Variants in ROS1 observed in about 807,000 individuals in gnomAD.
The protein encoded by ROS1 is ROS proto-oncogene 1, receptor tyrosine kinase.
ROS1 carries 263 observed loss-of-function variants against 273.5 expected under a neutral mutation model. The ratio of observed to expected loss-of-function variants is 0.96; its 90% CI spans 0.87 to 1.06. The LOEUF is 1.06. Among genes scored for constraint, ROS1 ranks in the 50% least tolerant of loss-of-function variants. The probability of loss-of-function intolerance (pLI) is 0.00; values close to 1 mark genes in which losing one functional copy is unlikely to be tolerated. For synonymous variants in ROS1, 1,008 were observed against 954.1 expected (o/e 1.06, Z -1.04); for missense variants, 2,833 against 2,751.1 (o/e 1.03, Z -0.67).
intron 6 of ROS1, 44 bp downstream of exon 6, chr6:117,404,234 AAT>A: frequency 1.3e-6 from 2 of 1,571,246 alleles, no homozygotes; most frequent in Non-Finnish European, 1.7e-6. Flanking sequence ...AAAAAAAAAA[AAT>A]TGGGAAGGGG....
At chr6:117,322,930 T>C (rs1480474841) in intron 35 of ROS1, among the ~76,000 whole-genome samples, 1 of 152,208 alleles carries the variant, frequency 6.6e-6, no homozygotes, top group Non-Finnish European at 1.5e-5. Flanking sequence ...TATCTCATGT[T>C]CATCCACTAG....
intron 4 of ROS1, among the ~76,000 whole-genome samples, chr6:117,410,406 A>G (rs1392506311): frequency 1.3e-5 from 2 of 152,200 alleles, no homozygotes; most frequent in African/African-American, 4.8e-5. Context: ...ATAAATTTGT[A>G]GAGTAGCTGA....
chr6:117,411,665 A>G (rs954197849), intron 4 of ROS1, among the ~76,000 whole-genome samples: 1 of 152,056 alleles, frequency 6.6e-6, no homozygotes, highest in Non-Finnish European at 1.5e-5. Flanking sequence ...CTTCTGTAAC[A>G]CTAGGAAGCC....
intron 18 of ROS1, among the ~76,000 whole-genome samples, chr6:117,366,671 G>C (rs990718319): frequency 4.6e-5 from 7 of 152,008 alleles, no homozygotes; most frequent in African/African-American, 1.7e-4. Flanking sequence ...ACACCACTAA[G>C]CCTGGCTAAT....
At chr6:117,393,461 A>G in intron 11 of ROS1, 140 bp from the exon 12 acceptor site, 1 of 615,574 alleles carries the variant, frequency 1.6e-6, no homozygotes, top group Non-Finnish European at 2.8e-6. Context: ...GAGCAAAAAA[A>G]AGCCCTTAAA....
intron 37 of ROS1, 74 bp from the exon 38 acceptor site, chr6:117,318,326 G>T: frequency 9.8e-7 from 1 of 1,023,580 alleles, no homozygotes; most frequent in African/African-American, 1.6e-5. Flanking sequence ...AATGGAGATT[G>T]TTCTGTTTGT....
At chr6:117,359,734 C>T in intron 24 of ROS1, 75 bp downstream of exon 24, 1 of 1,209,950 alleles carries the variant, frequency 8.3e-7, no homozygotes, top group South Asian at 1.3e-5. Flanking sequence ...GTTTTCCAGT[C>T]ATTTTAACTA....
chr6:117,327,236 A>T (rs1046832649), intron 33 of ROS1, among the ~76,000 whole-genome samples: 2 of 152,198 alleles, frequency 1.3e-5, no homozygotes, highest in African/African-American at 4.8e-5. Context: ...CCCTCATAAG[A>T]GGCAGGGAAA....
chr6:117,295,549 G>C (rs894405903), intron 43 of ROS1, among the ~76,000 whole-genome samples: 1 of 152,118 alleles, frequency 6.6e-6, no homozygotes, highest in Non-Finnish European at 1.5e-5. Context: ...AAAGTGAAGG[G>C]ACAATCCACA....
chr6:117,403,042 A>G, intron 7 of ROS1, 97 bp downstream of exon 7: 1 of 1,366,166 alleles, frequency 7.3e-7, no homozygotes, highest in South Asian at 1.2e-5. Context: ...ATCGATTAAT[A>G]GGAAGGAATA....
chr6:117,350,161 C>G (rs949217651), intron 27 of ROS1, among the ~76,000 whole-genome samples: 1 of 151,996 alleles, frequency 6.6e-6, no homozygotes, highest in East Asian at 1.9e-4. Context: ...TTTAACATTT[C>G]TTCCAAAGCA....
At chr6:117,425,182 G>A (rs142856564) in intron 1 of ROS1, among the ~76,000 whole-genome samples, 3 of 152,240 alleles carry the variant, frequency 2.0e-5, no homozygotes, top group South Asian at 2.1e-4. Flanking sequence ...TGGCCAAACC[G>A]ATTTCAGGTT....
At chr6:117,394,993 C>T (rs1350314508) in intron 9 of ROS1, among the ~76,000 whole-genome samples, 2 of 152,162 alleles carry the variant, frequency 1.3e-5, no homozygotes, top group Admixed American at 1.3e-4. Context: ...AATGACATCA[C>T]ATGATGTATC....
chr6:117,382,663 A>G (rs190889548), intron 17 of ROS1, among the ~76,000 whole-genome samples: 2 of 152,296 alleles, frequency 1.3e-5, no homozygotes, highest in East Asian at 1.9e-4. Context: ...GTAAAAGCTG[A>G]GGAAGTAAAA....
Position 117,389,642 on chromosome 6 carries a change from G to C in ROS1, c.1494C>G (p.Leu498=). ...CAGCAAAGGGGATGCGAGGTAGGAT[G>C]AGATGGGAAGCAGAGCCATCCAGAA... ...STFLDGSASH[L]ILPRIPFADV... Residue 498 remains leucine (L), a synonymous_variant, in exon 13 of 44, where the codon CTC becomes CTG. Transcript: ENST00000368507. 3.1e-6 allele frequency: 5 copies of C among 1,614,230 alleles called. No homozygotes were observed. Among genetic ancestry groups the C allele is most frequent in the Non-Finnish European group, 4.2e-6 (5 of 1,180,048 alleles).
At chr6:117,317,031 T>C (rs1775969436) in intron 39 of ROS1, 112 bp downstream of exon 39, 5 of 1,099,576 alleles carry the variant, frequency 4.5e-6, no homozygotes, top group Non-Finnish European at 6.4e-6. Context: ...ATTCTTTCCA[T>C]GTAAGTCTTC....
chr6:117,301,169 T>C (rs1774694043), intron 42 of ROS1, 32 bp from the exon 43 acceptor site: 1 of 1,540,090 alleles, frequency 6.5e-7, no homozygotes, highest in Non-Finnish European at 8.7e-7. Context: ...GGAAAGTAAA[T>C]AGCAATTGGA....
intron 39 of ROS1, among the ~76,000 whole-genome samples, chr6:117,311,945 T>C (rs1447650197): frequency 2.0e-5 from 3 of 152,092 alleles, no homozygotes; most frequent in Non-Finnish European, 2.9e-5. Context: ...ATTCAAAAAT[T>C]TCCCTTGTCT....
intron 32 of ROS1, among the ~76,000 whole-genome samples, chr6:117,333,066 T>C (rs1366317240): frequency 2.6e-5 from 4 of 151,070 alleles, no homozygotes; most frequent in Non-Finnish European, 5.9e-5. Flanking sequence ...AGCCGTTTTT[T>C]TTAAAAAATA....
Sources: gnomAD v4.1 joint callset for allele counts (sites outside exome capture counted in the v4.1 genomes callset) on GRCh38, gnomAD v4.1.1 for gene constraint, MANE v1.5 for transcripts, NCBI Gene and HGNC (gene_info 2026-07-23, HGNC 2026-07-21) for gene names.